The following RASAL2 variants were observed in gnomAD, a reference collection of about 807,000 sequenced individuals.
The protein encoded by RASAL2 is ras GTPase-activating protein nGAP.
RASAL2 carries 58 observed loss-of-function variants against 128.9 expected under a neutral mutation model. The ratio of observed to expected loss-of-function variants is 0.45; its 90% CI spans 0.36 to 0.56. RASAL2 has a LOEUF of 0.56. RASAL2 is among the 20% of genes least tolerant of loss of function. RASAL2 has a pLI of 0.00. For synonymous variants in RASAL2, 561 were observed against 580.8 expected (o/e 0.97, Z 0.49); for missense variants, 1,360 against 1,601.6 (o/e 0.85, Z 2.57).
intron 4 of RASAL2, among the ~76,000 whole-genome samples, chr1:178,416,234 A>T (rs539296015): frequency 9.2e-5 from 14 of 152,198 alleles, no homozygotes; most frequent in South Asian, 4.1e-4. Flanking sequence ...CTTATTTTTT[A>T]AAAAATTTAG....
intron 3 of RASAL2, among the ~76,000 whole-genome samples, chr1:178,333,333 A>T (rs1488814973): frequency 6.6e-6 from 1 of 152,194 alleles, no homozygotes; most frequent in East Asian, 1.9e-4. Context: ...GGCCAGATTT[A>T]TTAATATCTC....
rs1029267699 is a variant in RASAL2 at position 178,222,117 on chromosome 1, A to G, written c.203-61447A>G. On this transcript the variant is annotated intron_variant, in intron 1 of 17. Transcript: ENST00000367649. ...AGCTTTCTCCATTTACTTTTAATCT[A>G]TGTGTGTCTTTATATTTAAAATGTA... Among the ~76,000 whole-genome samples, 9 of 152,014 alleles carry G rather than the reference A, an allele frequency of 5.9e-5. No individual in the cohort carries two copies. In the South Asian group the frequency reaches 1.2e-3, roughly 21 times the overall value.
intron 9 of RASAL2, among the ~76,000 whole-genome samples, chr1:178,449,282 G>T (rs1349736708): frequency 6.6e-6 from 1 of 152,024 alleles, no homozygotes; most frequent in Non-Finnish European, 1.5e-5. Context: ...CTTTCCAATT[G>T]AAATCAGATT....
In RASAL2 at chr1:178,411,550, A is replaced by G. The variant is rs540543016; in HGVS notation, c.565-8961A>G. Reference sequence around the variant, plus strand: ...ACCTATTCCCCTAAAACTATTGAATAAAAATAAAAATTTGATTTAAAAAAA... The same window carrying G: ...ACCTATTCCCCTAAAACTATTGAATGAAAATAAAAATTTGATTTAAAAAAA... On this transcript the variant is annotated intron_variant, in intron 4 of 17. Transcript: ENST00000367649. 1.6e-4 allele frequency: 98 copies of G among 621,154 alleles called. 1 individual carries two copies. The highest frequency in any genetic ancestry group is 1.4e-3 in the South Asian group (76 of 56,274). 38.5% of individuals were successfully genotyped at this position (621,154 alleles called of 1,614,324 possible).
intron 3 of RASAL2, among the ~76,000 whole-genome samples, chr1:178,305,776 CA>C (rs1303267258): frequency 1.3e-5 from 2 of 152,066 alleles, no homozygotes; most frequent in Non-Finnish European, 1.5e-5. Flanking sequence ...AAGCCTTTGG[CA>C]AATAGATGAT....
intron 4 of RASAL2, 79 bp downstream of exon 4, chr1:178,390,285 G>A: frequency 1.0e-6 from 1 of 976,910 alleles, no homozygotes. Context: ...CAGCTACTAA[G>A]GAATCCAAAC....
chr1:178,408,393 C>CA (rs1416077537), intron 4 of RASAL2, among the ~76,000 whole-genome samples: 1 of 152,018 alleles, frequency 6.6e-6, no homozygotes, highest in Non-Finnish European at 1.5e-5. Flanking sequence ...TCTTGGTATC[C>CA]ATCTATTTTT....
intron 1 of RASAL2, among the ~76,000 whole-genome samples, chr1:178,097,248 C>T (rs982583034): frequency 6.6e-6 from 1 of 152,154 alleles, no homozygotes; most frequent in Non-Finnish European, 1.5e-5. Flanking sequence ...AACTCATGGC[C>T]TCTAGGTTTC....
intron 1 of RASAL2, among the ~76,000 whole-genome samples, chr1:178,128,718 A>G (rs936528961): frequency 1.1e-4 from 17 of 152,068 alleles, no homozygotes; most frequent in Non-Finnish European, 1.2e-4. Flanking sequence ...CTAGGCAACC[A>G]CTGATCTGCT....
chr1:178,351,275 T>G (rs544020173), intron 3 of RASAL2, among the ~76,000 whole-genome samples: 1 of 152,318 alleles, frequency 6.6e-6, no homozygotes, highest in East Asian at 1.9e-4. Flanking sequence ...CTTCCAAATC[T>G]CATGTTCTTC....
intron 4 of RASAL2, among the ~76,000 whole-genome samples, chr1:178,414,627 A>G (rs1365977777): frequency 6.6e-6 from 1 of 152,294 alleles, no homozygotes; most frequent in East Asian, 1.9e-4. Context: ...TAAGTTAAGA[A>G]GTATTGTCTC....
chr1:178,442,947 C>A lies in RASAL2; in HGVS notation c.1200C>A (p.Ile400=), dbSNP rs1206941816. 3 of 1,613,882 alleles carry A rather than the reference C, an allele frequency of 1.9e-6. No homozygotes were observed. The highest frequency in any genetic ancestry group is 1.3e-5 in the African/African-American group (1 of 74,910). The part of the protein sequence containing the change: ...DKNNYVGLVN[I]PTASVTGRQF... ...ATAATTATGTAGGGCTAGTCAACAT[C>A]CCCACTGCCAGTGTGACTGGTCGCC... Residue 400 remains isoleucine, a synonymous_variant, in exon 8 of 18, where the codon ATC becomes ATA. Coordinates refer to ENST00000367649, the MANE Select transcript of RASAL2 (RefSeq NM_170692.4).
At chr1:178,236,786 CAG>C (rs1222047461) in intron 1 of RASAL2, among the ~76,000 whole-genome samples, 3 of 94,404 alleles carry the variant, frequency 3.2e-5, no homozygotes, top group Non-Finnish European at 4.1e-5. Context: ...TTTTTTGAAA[CAG>C]AGTCTTGCTC....
chr1:178,353,162 C>A (rs1670608632), intron 3 of RASAL2, among the ~76,000 whole-genome samples: 2 of 152,254 alleles, frequency 1.3e-5, no homozygotes, highest in South Asian at 4.1e-4. Flanking sequence ...TCTTCTACCA[C>A]ATGGCCAGGC....
At chr1:178,313,958 C>T (rs1185471656) in intron 3 of RASAL2, among the ~76,000 whole-genome samples, 1 of 152,096 alleles carries the variant, frequency 6.6e-6, no homozygotes, top group Non-Finnish European at 1.5e-5. Context: ...TTGGATGCTT[C>T]AGGAATGTTT....
intron 1 of RASAL2, among the ~76,000 whole-genome samples, chr1:178,188,067 A>C (rs1662366672): frequency 6.6e-6 from 1 of 152,132 alleles, no homozygotes; most frequent in South Asian, 2.1e-4. Context: ...AGCCCTGAGT[A>C]AGTTATGGAA....
intron 12 of RASAL2, chr1:178,456,361 C>G (rs1558004747): frequency 3.4e-6 from 1 of 291,040 alleles, no homozygotes; most frequent in African/African-American, 2.1e-5. Context: ...CACCCTCCCC[C>G]ACCTTGATCT....
At chr1:178,277,261 C>T (rs956058503) in intron 1 of RASAL2, among the ~76,000 whole-genome samples, 136 of 151,284 alleles carry the variant, frequency 9.0e-4, no homozygotes, top group African/African-American at 3.2e-3. Flanking sequence ...AGAAAAAATG[C>T]AATCCTCCCA....
chr1:178,186,379 G>T (rs1485362199), intron 1 of RASAL2, among the ~76,000 whole-genome samples: 3 of 151,696 alleles, frequency 2.0e-5, no homozygotes, highest in African/African-American at 7.3e-5. Context: ...CATTTCCATT[G>T]ATTTCTACTC....
Sources: gnomAD v4.1 joint callset for allele counts (sites outside exome capture counted in the v4.1 genomes callset) on GRCh38, gnomAD v4.1.1 for gene constraint, MANE v1.5 for transcripts, NCBI Gene and HGNC (gene_info 2026-07-23, HGNC 2026-07-21) for gene names.